Variants in RAB11B observed in about 807,000 individuals in gnomAD.
The protein encoded by RAB11B is ras-related protein Rab-11B.
A neutral mutation model predicts 23.7 loss-of-function variants in RAB11B; 7 were observed. That is an observed-to-expected ratio of 0.29 (90% CI 0.17 to 0.55). The LOEUF is 0.55. Ranked by LOEUF, RAB11B falls within the 20% of genes least tolerant of loss-of-function variation. The pLI, the probability that RAB11B is intolerant of heterozygous loss-of-function variation, is 0.93. For synonymous variants in RAB11B, 138 were observed against 132.0 expected, an observed-to-expected ratio of 1.05 and a Z score of -0.31; for missense variants, 189 against 320.0, an observed-to-expected ratio of 0.59 and a Z score of 3.12.
intron 1 of RAB11B, among the ~76,000 whole-genome samples, chr19:8,393,877 C>T (rs1225577620): frequency 2.6e-5 from 4 of 152,236 alleles, no homozygotes; most frequent in Non-Finnish European, 4.4e-5. Context: ...CCTAGGACTT[C>T]TCAGAGGTGC....
chr19:8,398,115 A>G (rs1372558788), intron 1 of RAB11B, among the ~76,000 whole-genome samples: 2 of 152,096 alleles, frequency 1.3e-5, no homozygotes, highest in Non-Finnish European at 2.9e-5. Context: ...CTGGGCCCAT[A>G]GGGACAGTGC....
chr19:8,401,448 G>A (rs1971436484), intron 2 of RAB11B, among the ~76,000 whole-genome samples: 1 of 149,690 alleles, frequency 6.7e-6, no homozygotes, highest in South Asian at 2.1e-4. Context: ...TCACAATCTC[G>A]GCTCACTGCA....
At chr19:8,394,058 A>G (rs528989877) in intron 1 of RAB11B, among the ~76,000 whole-genome samples, 4 of 152,286 alleles carry the variant, frequency 2.6e-5, no homozygotes, top group Non-Finnish European at 5.9e-5. Flanking sequence ...CTTGTGTCCT[A>G]GACAATGAAG....
At chr19:8,403,355 C>T in intron 4 of RAB11B, 58 bp from the exon 5 acceptor site, 1 of 1,569,532 alleles carries the variant, frequency 6.4e-7, no homozygotes, top group Non-Finnish European at 8.7e-7. Flanking sequence ...GAGGGGTTCC[C>T]CTCGGCAGGC....
At chr19:8,393,368 A>C (rs908674690) in intron 1 of RAB11B, among the ~76,000 whole-genome samples, 1 of 152,014 alleles carries the variant, frequency 6.6e-6, no homozygotes, top group Non-Finnish European at 1.5e-5. Context: ...GCCCTGGAGG[A>C]CATGGGTCGT....
Position 8,392,685 on chromosome 19 carries a change from C to CTTTTTTTTTTTTTTTT in RAB11B, c.40+2236_40+2251dup, listed in dbSNP as rs74176644. Among the ~76,000 whole-genome samples the CTTTTTTTTTTTTTTTT allele has an allele frequency of 1.3e-3, 107 of 79,644 alleles. 3 individuals are homozygous for CTTTTTTTTTTTTTTTT. Among genetic ancestry groups the CTTTTTTTTTTTTTTTT allele is most frequent in the Non-Finnish European group, 1.6e-3 (70 of 44,390 alleles). The allele number at this position is 79,644 out of a possible 152,430, so 52.2% of individuals were successfully genotyped here. The stretch of plus-strand genomic sequence containing the variant: ...ATATTTTTCTTTTCCTTTTTCTTTT[C>CTTTTTTTTTTTTTTTT]TTTTTTTTTTTTTTTTTTTTTTGAG... On this transcript the variant is annotated intron_variant, in intron 1 of 4. Transcript: ENST00000328024.
In RAB11B at chr19:8,396,501, G is replaced by C. The variant is rs1177851644; in HGVS notation, c.41-3362G>C. 6.6e-6 allele frequency among the ~76,000 whole-genome samples: 1 copy of C among 152,148 alleles called. No homozygotes were observed. Among genetic ancestry groups the C allele is most frequent in the Non-Finnish European group, 1.5e-5 (1 of 68,030 alleles). On this transcript the variant is annotated intron_variant, in intron 1 of 4. Transcript: ENST00000328024. The surrounding 1 kb of genome is among the most constrained non-coding windows in gnomAD (Gnocchi z 5.0). ...CGGGAGCAGGGTAATTCGGAGAGTAGAGTTTTAGTAGCATAGCAGGGAGGG... is the reference window on the plus strand; with the variant it reads ...CGGGAGCAGGGTAATTCGGAGAGTACAGTTTTAGTAGCATAGCAGGGAGGG...
intron 3 of RAB11B, 58 bp from the exon 4 acceptor site, chr19:8,402,427 C>T (rs1971445778): frequency 3.2e-6 from 5 of 1,572,464 alleles, no homozygotes; most frequent in East Asian, 4.5e-5. Flanking sequence ...TCCCTGAGAG[C>T]ATGTGGGAGC....
chr19:8,394,698 A>G (rs1422429802), intron 1 of RAB11B, among the ~76,000 whole-genome samples: 10 of 152,166 alleles, frequency 6.6e-5, no homozygotes, highest in Non-Finnish European at 1.5e-5. Context: ...TGGAAGGCCG[A>G]GGTGGGTGAA....
At chr19:8,397,043 C>G (rs1401586014) in intron 1 of RAB11B, among the ~76,000 whole-genome samples, 2 of 152,084 alleles carry the variant, frequency 1.3e-5, no homozygotes, top group African/African-American at 4.8e-5. Context: ...TTCTGAGATG[C>G]GAGAGAAAGG....
chr19:8,397,966 C>A (rs1014977941), intron 1 of RAB11B, among the ~76,000 whole-genome samples: 1 of 152,168 alleles, frequency 6.6e-6, no homozygotes, highest in Non-Finnish European at 1.5e-5. Flanking sequence ...AAGGCCCACA[C>A]TTGGGGGTCC....
chr19:8,400,114 C>T (rs1971426206), intron 2 of RAB11B, 56 bp downstream of exon 2: 8 of 1,574,946 alleles, frequency 5.1e-6, no homozygotes, highest in Non-Finnish European at 5.2e-6. Flanking sequence ...GGGCTTGCAG[C>T]GCGTGGGCTT....
At chr19:8,394,358 G>A (rs912365240) in intron 1 of RAB11B, among the ~76,000 whole-genome samples, 1 of 152,172 alleles carries the variant, frequency 6.6e-6, no homozygotes, top group African/African-American at 2.4e-5. Flanking sequence ...GTTTCGCCAT[G>A]TTGACAGGCT....
At chr19:8,401,930 C>G (rs932252294) in intron 2 of RAB11B, among the ~76,000 whole-genome samples, 156 bp from the exon 3 acceptor site, 9 of 152,234 alleles carry the variant, frequency 5.9e-5, no homozygotes, top group South Asian at 2.1e-4. Context: ...AGCGCTGGGG[C>G]CTCCAGACAC....
chr19:8,391,879 T>TA (rs1971356912), intron 1 of RAB11B, among the ~76,000 whole-genome samples: 1 of 151,770 alleles, frequency 6.6e-6, no homozygotes, highest in Non-Finnish European at 1.5e-5. Flanking sequence ...GAAGTGCCTC[T>TA]ACAAGGGCCT....
chr19:8,393,798 C>T (rs541281076), intron 1 of RAB11B, among the ~76,000 whole-genome samples: 26 of 152,288 alleles, frequency 1.7e-4, no homozygotes, highest in Middle Eastern at 3.4e-3. Context: ...TGAAGAGTCT[C>T]TCAGTCTGCC....
rs554788072 is a variant in RAB11B, at chr19:8,402,938, C to T, written c.511+373C>T. The stretch of plus-strand genomic sequence containing the variant: ...TCAGCCTCCCAAAGTGCTGGGATTA[C>T]AGGCGTGAGCCACTGCACCTGGCCT... On this transcript the variant is annotated intron_variant, in intron 4 of 4. Coordinates refer to ENST00000328024, the MANE Select transcript of RAB11B (RefSeq NM_004218.4). The T allele has an allele frequency of 6.5e-5, 28 of 429,004 alleles. No homozygotes were observed. In the South Asian group the frequency reaches 7.0e-4, roughly 11 times the overall value. The allele number at this position is 429,004 out of a possible 1,614,324, so 26.6% of individuals were successfully genotyped here.
rs1382440837 is a variant in RAB11B at position 8,403,506 on chromosome 19, C to T, written c.605C>T (p.Pro202Leu). 1.2e-6 allele frequency: 2 copies of T among 1,613,980 alleles called. No homozygotes were observed. Among genetic ancestry groups the T allele is most frequent in the East Asian group, 4.5e-5 (2 of 44,872 alleles). The change falls in exon 5 of 5, where the codon CCC becomes CTC. Residue 202 changes from proline to leucine, a missense_variant. Transcript: ENST00000328024. ...AACGTGGTGGACATCAGCGTGCCGC[C>T]CACCACGGACGGACAGAAGCCCAAC... ...GNNVVDISVP[P>L]TTDGQKPNKL...
intron 1 of RAB11B, among the ~76,000 whole-genome samples, chr19:8,393,954 G>A (rs1447941057): frequency 2.0e-5 from 3 of 152,194 alleles, no homozygotes; most frequent in Non-Finnish European, 4.4e-5. Flanking sequence ...TGGGGTAGGG[G>A]GGTCGCTTCC....
Sources: gnomAD v4.1 joint callset for allele counts (sites outside exome capture counted in the v4.1 genomes callset) on GRCh38, gnomAD v4.1.1 for gene constraint, Gnocchi (gnomAD v3.1) non-coding constraint, MANE v1.5 for transcripts, NCBI Gene and HGNC (gene_info 2026-07-23, HGNC 2026-07-21) for gene names.